VPS8: variants seen among roughly 807,000 people sequenced by gnomAD.
VPS8 encodes vacuolar protein sorting-associated protein 8 homolog.
A neutral mutation model predicts 216.4 loss-of-function variants in VPS8; 129 were observed. The observed-to-expected ratio is 0.60, with a 90% CI of 0.52 to 0.69. The LOEUF (loss-of-function observed/expected upper bound fraction) is 0.69, where lower values mean the gene tolerates loss of function less well. Among genes scored for constraint, VPS8 ranks in the 30% least tolerant of loss-of-function variants. The pLI, the probability that VPS8 is intolerant of heterozygous loss-of-function variation, is 0.00. For synonymous variants in VPS8, 571 were observed against 565.4 expected, an observed-to-expected ratio of 1.01 and a Z score of -0.14; for missense variants, 1,531 against 1,683.5, an observed-to-expected ratio of 0.91 and a Z score of 1.59.
intron 25 of VPS8, among the ~76,000 whole-genome samples, chr3:184,911,928 T>C (rs1369373208): frequency 6.6e-6 from 1 of 152,200 alleles, no homozygotes; most frequent in Non-Finnish European, 1.5e-5. Context: ...CCATAAAGCC[T>C]TCAGTTTGTG....
intron 45 of VPS8, among the ~76,000 whole-genome samples, chr3:185,008,844 TA>T (rs1221667706): frequency 4.6e-5 from 7 of 152,156 alleles, no homozygotes; most frequent in Non-Finnish European, 1.0e-4. Flanking sequence ...AAGACCCTGG[TA>T]AACAGGTAAA....
intron 47 of VPS8, among the ~76,000 whole-genome samples, chr3:185,051,375 G>C (rs1714201982): frequency 6.6e-6 from 1 of 152,158 alleles, no homozygotes; most frequent in Non-Finnish European, 1.5e-5. Flanking sequence ...GCAGCTGGGT[G>C]TCTGTTTGAG....
chr3:184,952,159 AAC>A (rs1379550470), intron 36 of VPS8, among the ~76,000 whole-genome samples: 1 of 152,240 alleles, frequency 6.6e-6, no homozygotes, highest in Admixed American at 6.5e-5. Flanking sequence ...ACCTCTGGAA[AAC>A]ACACTGGCTC....
chr3:184,914,919 T>TA, intron 26 of VPS8, 62 bp from the exon 27 acceptor site: 2 of 1,475,316 alleles, frequency 1.4e-6, no homozygotes, highest in East Asian at 2.3e-5. Context: ...AACAATGTGT[T>TA]ACTCGCTTGA....
rs560941088 is a variant in VPS8 at position 185,042,440 on chromosome 3, G to A, written c.4057-6039G>A. Among the ~76,000 whole-genome samples, 190 of 152,322 alleles carry A rather than the reference G, an allele frequency of 1.2e-3. 1 individual carries two copies. The highest frequency in any genetic ancestry group is 2.2e-3 in the Non-Finnish European group (151 of 68,026). On this transcript the variant is annotated intron_variant, in intron 46 of 47. Transcript: ENST00000625842. ...CGTAATTATGGAATGGCCACAGTAT[G>A]CCACGTGGCAAGACTCCAGGTTTGC... is the stretch of plus-strand genomic sequence containing the variant.
chr3:184,833,121 C>G (rs1487590246), intron 4 of VPS8, among the ~76,000 whole-genome samples: 1 of 152,128 alleles, frequency 6.6e-6, no homozygotes, highest in Admixed American at 6.5e-5. Flanking sequence ...AAACATGCAG[C>G]TTGGTTCACT....
At chr3:184,984,888 A>G (rs370162303) in intron 42 of VPS8, among the ~76,000 whole-genome samples, 19 of 152,226 alleles carry the variant, frequency 1.2e-4, no homozygotes, top group East Asian at 9.6e-4. Context: ...TTCTCTTGGC[A>G]AAAACATGAT....
chr3:184,901,967 T>G (rs1157669382), intron 25 of VPS8, among the ~76,000 whole-genome samples: 1 of 152,270 alleles, frequency 6.6e-6, no homozygotes, highest in Non-Finnish European at 1.5e-5. Context: ...TAAAATCTTC[T>G]TAAAACTTTG....
chr3:184,930,527 G>A lies in VPS8; in HGVS notation c.2857G>A (p.Glu953Lys), dbSNP rs74927619. The change falls in exon 34 of 48, where the codon GAG (glutamate) becomes AAG (lysine). Residue 953 changes from glutamate to lysine, a missense_variant. This residue lies in a region of VPS8 where 1,318 missense variants were observed against 1,468.4 expected (regional missense o/e 0.90). Coordinates refer to ENST00000625842, the MANE Select transcript of VPS8 (RefSeq NM_001009921.3). ...ATCCATTCCCGGACACAGTGCAGAG[G>A]AGAAGCAGTCTGTATGGCAGAAAGC... ...ILSIPGHSAEEKQSVWQKAMD... is the reference protein window; with the variant it reads ...ILSIPGHSAEKKQSVWQKAMD... 10,739 of 1,613,458 alleles carry A rather than the reference G, an allele frequency of 6.7e-3. 46 individuals carry two copies. Among genetic ancestry groups the A allele is most frequent in the Non-Finnish European group, 8.3e-3 (9,810 of 1,179,444 alleles).
chr3:184,858,051 G>A (rs1377462123), intron 14 of VPS8, among the ~76,000 whole-genome samples: 1 of 152,164 alleles, frequency 6.6e-6, no homozygotes, highest in African/African-American at 2.4e-5. Flanking sequence ...GTAACTTAAA[G>A]GGAAAGACAT....
chr3:185,030,854 C>G (rs1372282212), intron 46 of VPS8, among the ~76,000 whole-genome samples: 3 of 152,196 alleles, frequency 2.0e-5, no homozygotes, highest in Non-Finnish European at 4.4e-5. Flanking sequence ...CCTCAGACTC[C>G]TGGGCTCAAG....
At chr3:184,880,888 T>C (rs2108836988) in intron 21 of VPS8, among the ~76,000 whole-genome samples, 1 of 152,318 alleles carries the variant, frequency 6.6e-6, no homozygotes, top group South Asian at 2.1e-4. Context: ...ATTGTGGCTT[T>C]AATTTGCATT....
intron 47 of VPS8, among the ~76,000 whole-genome samples, chr3:185,050,100 A>G (rs1713853355): frequency 6.6e-6 from 1 of 151,580 alleles, no homozygotes; most frequent in Non-Finnish European, 1.5e-5. Flanking sequence ...GGAACACAAA[A>G]ATATCTGTTT....
At chr3:184,867,840 T>C (rs1727655259) in intron 17 of VPS8, among the ~76,000 whole-genome samples, 184 bp from the exon 18 acceptor site, 1 of 152,090 alleles carries the variant, frequency 6.6e-6, no homozygotes, top group Non-Finnish European at 1.5e-5. Flanking sequence ...AGCGAGACTC[T>C]GTCTCAAAAA....
At chr3:184,985,167 T>A (rs2109782362) in intron 42 of VPS8, among the ~76,000 whole-genome samples, 1 of 152,280 alleles carries the variant, frequency 6.6e-6, no homozygotes, top group East Asian at 1.9e-4. Context: ...TCATTTCATT[T>A]GAAGCCCACA....
chr3:184,891,625 T>C (rs1732371515), intron 22 of VPS8, among the ~76,000 whole-genome samples: 1 of 152,200 alleles, frequency 6.6e-6, no homozygotes, highest in African/African-American at 2.4e-5. Context: ...CCACATGCCT[T>C]TTTAAAGGAA....
At chr3:184,819,361 T>C (rs1010476223) in intron 1 of VPS8, among the ~76,000 whole-genome samples, 1 of 152,230 alleles carries the variant, frequency 6.6e-6, no homozygotes, top group Non-Finnish European at 1.5e-5. Context: ...GTGCAAGTAC[T>C]CTCTGGTATG....
intron 35 of VPS8, among the ~76,000 whole-genome samples, chr3:184,936,560 T>TGTGG (rs1002254750): frequency 6.7e-6 from 1 of 148,414 alleles, no homozygotes; most frequent in African/African-American, 2.5e-5. Flanking sequence ...TGTGTGTGTG[T>TGTGG]GGTTGGGAGC....
chr3:184,923,040 A>G (rs1738926209), intron 29 of VPS8, among the ~76,000 whole-genome samples: 1 of 152,132 alleles, frequency 6.6e-6, no homozygotes, highest in Non-Finnish European at 1.5e-5. Flanking sequence ...TTGACAATTG[A>G]TGATTACTGG....
Sources: allele counts gnomAD v4.1 joint callset (sites outside exome capture counted in the v4.1 genomes callset), GRCh38; gene constraint gnomAD v4.1.1; regional missense constraint gnomAD v4.1.1; transcripts MANE v1.5; gene names NCBI Gene and HGNC (gene_info 2026-07-23, HGNC 2026-07-21).